The following KCNN2 variants were observed in gnomAD, a reference collection of about 807,000 sequenced individuals.
KCNN2 encodes small conductance calcium-activated potassium channel protein 2.
In KCNN2, 24 loss-of-function variants were observed where a neutral mutation model predicts 55.5. That is an observed-to-expected ratio of 0.43 (90% CI 0.31 to 0.61). KCNN2 has a LOEUF of 0.61. KCNN2 is among the 20% of genes least tolerant of loss of function. The probability of loss-of-function intolerance (pLI) is 0.08; values close to 1 mark genes in which losing one functional copy is unlikely to be tolerated. For missense variants in KCNN2, 754 were observed against 853.6 expected (o/e 0.88, Z 1.45); for synonymous variants, 431 against 336.1 (o/e 1.28, Z -3.09).
chr5:114,161,606 T>C (rs1193170253), intron 1 of KCNN2, among the ~76,000 whole-genome samples: 3 of 152,234 alleles, frequency 2.0e-5, no homozygotes, highest in African/African-American at 7.2e-5. Flanking sequence ...TTTTCCAACT[T>C]GATTGCATTC....
intron 2 of KCNN2, among the ~76,000 whole-genome samples, chr5:114,368,611 G>A (rs1757673314): frequency 6.6e-6 from 1 of 152,136 alleles, no homozygotes. Context: ...TGCAGACCAT[G>A]CAGAAAATAC....
intron 3 of KCNN2, among the ~76,000 whole-genome samples, chr5:114,416,538 A>G (rs1239216048): frequency 1.3e-5 from 2 of 152,148 alleles, no homozygotes; most frequent in Non-Finnish European, 2.9e-5. Context: ...CAGTGACAGG[A>G]TATTATAGTA....
chr5:114,432,180 A>G (rs749921662), intron 3 of KCNN2, among the ~76,000 whole-genome samples: 5 of 152,208 alleles, frequency 3.3e-5, no homozygotes, highest in Non-Finnish European at 7.3e-5. Flanking sequence ...TGAAATCTCC[A>G]ACTATGATAG....
chr5:114,461,313 T>A (rs1761177599), intron 3 of KCNN2, among the ~76,000 whole-genome samples: 2 of 152,182 alleles, frequency 1.3e-5, no homozygotes, highest in Admixed American at 1.3e-4. Context: ...CACCAAGACC[T>A]TCTGGGGAGA....
chr5:114,107,078 G>C (rs1443904348), intron 1 of KCNN2, among the ~76,000 whole-genome samples: 1 of 151,974 alleles, frequency 6.6e-6, no homozygotes, highest in Non-Finnish European at 1.5e-5. Context: ...TGAAGTCTAA[G>C]GGTCAAGGTT....
intron 1 of KCNN2, among the ~76,000 whole-genome samples, chr5:114,135,284 T>C (rs1752152580): frequency 6.6e-6 from 1 of 152,178 alleles, no homozygotes; most frequent in Non-Finnish European, 1.5e-5. Flanking sequence ...GCAGTTTCAC[T>C]CTTTATTCAA....
At chr5:114,090,400 C>A (rs1220673682) in intron 1 of KCNN2, among the ~76,000 whole-genome samples, 2 of 152,054 alleles carry the variant, frequency 1.3e-5, no homozygotes, top group East Asian at 1.9e-4. Context: ...TGGTTTATTT[C>A]TTTGCAGAGA....
chr5:114,125,833 A>C (rs1251741015), intron 1 of KCNN2, among the ~76,000 whole-genome samples: 5 of 152,138 alleles, frequency 3.3e-5, no homozygotes, highest in Non-Finnish European at 7.4e-5. Context: ...TCCTCTTATA[A>C]GTACAGCAAT....
chr5:114,403,715 C>T (rs1317350339), intron 2 of KCNN2, among the ~76,000 whole-genome samples: 5 of 152,052 alleles, frequency 3.3e-5, no homozygotes, highest in Admixed American at 6.5e-5. Flanking sequence ...TTTGCTTTCT[C>T]GCTGGTTTTT....
At chr5:114,298,790 A>G (rs1756088410) in intron 2 of KCNN2, among the ~76,000 whole-genome samples, 1 of 152,200 alleles carries the variant, frequency 6.6e-6, no homozygotes. Flanking sequence ...TAAACTAACA[A>G]GTAATAATGG....
At chr5:114,403,449 T>A (rs1267797343) in intron 2 of KCNN2, among the ~76,000 whole-genome samples, 1 of 152,190 alleles carries the variant, frequency 6.6e-6, no homozygotes, top group Non-Finnish European at 1.5e-5. Flanking sequence ...ATATAGCTTC[T>A]CAAAACAAAG....
intron 2 of KCNN2, among the ~76,000 whole-genome samples, chr5:114,313,093 C>T (rs1328747763): frequency 6.6e-6 from 1 of 152,016 alleles, no homozygotes; most frequent in Non-Finnish European, 1.5e-5. Context: ...CATTTGGCTC[C>T]CACTTACATG....
chr5:114,366,714 T>C (rs1436973392), intron 2 of KCNN2, among the ~76,000 whole-genome samples: 2 of 152,202 alleles, frequency 1.3e-5, no homozygotes, highest in African/African-American at 4.8e-5. Flanking sequence ...CGCCCTCCTT[T>C]TTTACTTATT....
At chr5:114,471,504 G>GAGAT (rs1761745010) in intron 4 of KCNN2, among the ~76,000 whole-genome samples, 1 of 152,186 alleles carries the variant, frequency 6.6e-6, no homozygotes, top group Non-Finnish European at 1.5e-5. Flanking sequence ...CATGGATATA[G>GAGAT]AGATTCAAGT....
At chr5:114,434,678 T>C (rs2150089623) in intron 3 of KCNN2, among the ~76,000 whole-genome samples, 1 of 152,312 alleles carries the variant, frequency 6.6e-6, no homozygotes, top group East Asian at 1.9e-4. Context: ...CGGTGATTAG[T>C]TCTCAGTCGT....
intron 1 of KCNN2, among the ~76,000 whole-genome samples, chr5:114,179,735 A>G (rs1428088453): frequency 1.3e-5 from 2 of 152,154 alleles, no homozygotes; most frequent in Non-Finnish European, 2.9e-5. Flanking sequence ...ATTTCCTCAC[A>G]GTAGAGCGTT....
intron 3 of KCNN2, among the ~76,000 whole-genome samples, chr5:114,419,195 C>T (rs916011248): frequency 2.6e-5 from 4 of 152,224 alleles, no homozygotes; most frequent in African/African-American, 9.6e-5. Flanking sequence ...GGTTGGTAAA[C>T]CATGGCCCTT....
chr5:114,151,571 C>G (rs1752524802), intron 1 of KCNN2, among the ~76,000 whole-genome samples: 1 of 151,998 alleles, frequency 6.6e-6, no homozygotes, highest in South Asian at 2.1e-4. Context: ...TTGGTCAATT[C>G]AATGACCTGT....
intron 1 of KCNN2, among the ~76,000 whole-genome samples, chr5:114,215,090 T>C (rs900610109): frequency 9.9e-5 from 15 of 152,122 alleles, no homozygotes; most frequent in African/African-American, 3.6e-4. Flanking sequence ...TTTTGCTTTG[T>C]CAAGAATATA....
Sources: gnomAD v4.1 joint callset for allele counts (sites outside exome capture counted in the v4.1 genomes callset) on GRCh38, gnomAD v4.1.1 for gene constraint, MANE v1.5 for transcripts, NCBI Gene and HGNC (gene_info 2026-07-23, HGNC 2026-07-21) for gene names.